GAA: variants seen among roughly 807,000 people sequenced by gnomAD.
The protein encoded by GAA is alpha glucosidase.
In GAA, 88 loss-of-function variants were observed where a neutral mutation model predicts 103.9. The ratio of observed to expected loss-of-function variants is 0.85; its 90% CI spans 0.71 to 1.01. GAA has a LOEUF of 1.01. Among genes scored for constraint, GAA ranks in the 50% least tolerant of loss-of-function variants. The pLI is 0.00. For missense variants in GAA, 1,350 were observed against 1,305.3 expected (o/e 1.03, Z -0.53); for synonymous variants, 572 against 563.1 (o/e 1.02, Z -0.22).
intron 2 of GAA, among the ~76,000 whole-genome samples, chr17:80,105,433 GAT>G (rs2039059849): frequency 6.6e-6 from 1 of 152,252 alleles, no homozygotes; most frequent in African/African-American, 2.4e-5. Flanking sequence ...CCGAATTGCA[GAT>G]ACCCCAGGCA....
At chr17:80,103,511 G>A (rs577504791) in intron 1 of GAA, among the ~76,000 whole-genome samples, 47 of 152,258 alleles carry the variant, frequency 3.1e-4, no homozygotes, top group Middle Eastern at 3.4e-3. Flanking sequence ...TGTGGGTTCC[G>A]GCTGCTCCTG....
chr17:80,118,070 G>T (rs1223768025), intron 17 of GAA, 123 bp from the exon 18 acceptor site: 2 of 1,149,754 alleles, frequency 1.7e-6, no homozygotes, highest in African/African-American at 1.5e-5. Flanking sequence ...GCGGCCGCAG[G>T]TGTTCCTGCA....
In GAA at chr17:80,108,781, A is replaced by G. The variant is rs1265260886; in HGVS notation, c.1279A>G (p.Met427Val). ...GGATGGCTTCCGGGACTTCCCGGCC[A>G]TGGTGCAGGAGCTGCACCAGGGCGG... ...NKDGFRDFPA[M>V]VQELHQGGRR... The change falls in exon 8 of 20, where the codon ATG (methionine) becomes GTG (valine). Residue 427 changes from methionine to valine, a missense_variant. Physicochemically the swap from Met to Val is conservative, Grantham distance 21. Coordinates refer to ENST00000302262, the MANE Select transcript of GAA (RefSeq NM_000152.5). 3 of 1,608,518 alleles carry G rather than the reference A, an allele frequency of 1.9e-6. No homozygotes were observed. The highest frequency in any genetic ancestry group is 1.7e-5 in the Admixed American group (1 of 59,442).
At chr17:80,117,952 T>G (rs916904261) in intron 17 of GAA, among the ~76,000 whole-genome samples, 1 of 152,080 alleles carries the variant, frequency 6.6e-6, no homozygotes, top group African/African-American at 2.4e-5. Context: ...CGGCAGGAGC[T>G]CAGTGGTCTG....
At position 80,112,604 on chromosome 17, in the gene GAA, G is replaced by A. The variant is rs775450536; in HGVS notation, c.1781G>A (p.Arg594His). Residue 594 changes from arginine to histidine, a missense_variant, in exon 13 of 20, where the codon CGC becomes CAC. Physicochemically the swap from Arg to His is conservative, Grantham distance 29. Transcript: ENST00000302262. ...HRALVKARGT[R>H]PFVISRSTFA... is the part of the protein sequence containing the mutation. ...GCGCTGGTGAAGGCTCGGGGGACAC[G>A]CCCATTTGTGATCTCCCGCTCGACC... 6.8e-6 allele frequency: 11 copies of A among 1,612,944 alleles called. No individual in the cohort carries two copies. Among genetic ancestry groups the A allele is most frequent in the South Asian group, 2.2e-5 (2 of 91,072 alleles).
chr17:80,112,774 G>C, intron 13 of GAA, 63 bp downstream of exon 13: 1 of 1,577,836 alleles, frequency 6.3e-7, no homozygotes, highest in Admixed American at 1.8e-5. Context: ...TGGGAGGCTT[G>C]CCGGGGCCCC....
Position 80,117,673 on chromosome 17 carries a change from G to A in GAA, c.2405G>A (p.Gly802Glu), listed in dbSNP as rs2039386318. ...APREPAIHSEGQWVTLPAPLD... is the reference protein window; with the variant it reads ...APREPAIHSEEQWVTLPAPLD... ...CGTGAGCCAGCCATCCACAGCGAGG[G>A]GCAGTGGGTGACGCTGCCGGCCCCC... Residue 802 changes from glycine to glutamate, a missense_variant, in exon 17 of 20, where the codon GGG becomes GAG. Gly to Glu is a moderately conservative substitution (Grantham distance 98, BLOSUM62 -2). Coordinates refer to ENST00000302262, the MANE Select transcript of GAA (RefSeq NM_000152.5). 1.2e-6 allele frequency: 2 copies of A among 1,612,562 alleles called. No individual in the cohort carries two copies. The highest frequency in any genetic ancestry group is 2.7e-5 in the African/African-American group (2 of 74,912).
chr17:80,114,704 A>G (rs1468569130), intron 15 of GAA, among the ~76,000 whole-genome samples: 1 of 152,134 alleles, frequency 6.6e-6, no homozygotes, highest in Admixed American at 6.5e-5. Context: ...TGCCTTTTAT[A>G]TTTACTGATG....
rs77717164 is a variant in GAA at position 80,108,063 on chromosome 17, C to T, written c.955+167C>T. 4.8e-3 allele frequency among the ~76,000 whole-genome samples: 733 copies of T among 152,316 alleles called. 14 individuals carry two copies. In the East Asian group the frequency reaches 0.064, roughly 13 times the overall value. ...CTCCCAACTCTGGCCTTCTGTGCTC[C>T]TAAGGAGGGTTCTGGGGCCCTGCCT... On this transcript the variant is annotated intron_variant, in intron 5 of 19. Transcript: ENST00000302262.
At chr17:80,110,679 G>C (rs1434049724) in intron 9 of GAA, 48 bp from the exon 10 acceptor site, 1 of 1,531,746 alleles carries the variant, frequency 6.5e-7, no homozygotes, top group Non-Finnish European at 9.0e-7. Context: ...CTTCCATGCA[G>C]GCCCTGGGTG....
rs2039116166 is a variant in GAA at position 80,107,578 on chromosome 17, C to A, written c.714C>A (p.Pro238=). Residue 238 remains proline (P), a synonymous_variant, in exon 4 of 20, where the codon CCC becomes CCA. Transcript: ENST00000302262. Reference sequence around the variant, plus strand: ...GCAGGCTGAACACGACGGTGGCGCCCCTGTTCTTTGCGGACCAGTTCCTTC... The same window carrying A: ...GCAGGCTGAACACGACGGTGGCGCCACTGTTCTTTGCGGACCAGTTCCTTC... ...GRVLLNTTVA[P]LFFADQFLQL... 3 of 1,613,046 alleles carry A rather than the reference C, an allele frequency of 1.9e-6. No individual in the cohort carries two copies. Among genetic ancestry groups the A allele is most frequent in the Admixed American group, 1.7e-5 (1 of 60,000 alleles).
Position 80,118,490 on chromosome 17 carries a change from T to G in GAA, c.2646+133T>G, listed in dbSNP as rs912782458. 4.2e-6 allele frequency: 6 copies of G among 1,416,650 alleles called. No individual in the cohort carries two copies. In the African/African-American group the frequency reaches 8.4e-5, roughly 20 times the overall value. 87.8% of individuals were successfully genotyped at this position (1,416,650 alleles called of 1,614,324 possible). The stretch of plus-strand genomic sequence containing the variant: ...CACTCTAGCAGGTGGCCTGGGGTCC[T>G]AGAGTGAGCAGTGGGGCCGTGCACT... On this transcript the variant is annotated intron_variant, in intron 18 of 19. Transcript: ENST00000302262.
At chr17:80,105,309 G>C (rs1362747713) in intron 2 of GAA, among the ~76,000 whole-genome samples, 177 bp downstream of exon 2, 1 of 152,188 alleles carries the variant, frequency 6.6e-6, no homozygotes, top group African/African-American at 2.4e-5. Context: ...GGGACACCAC[G>C]GTGACAGGTA....
At chr17:80,105,154 GC>G (rs778204459) in intron 2 of GAA, 22 bp downstream of exon 2, 2 of 1,592,484 alleles carry the variant, frequency 1.3e-6, no homozygotes, top group African/African-American at 2.7e-5. Flanking sequence ...AGGGGCGGGG[GC>G]GGCGGCCAGG....
chr17:80,117,276 T>C (rs1361462593), intron 16 of GAA, among the ~76,000 whole-genome samples, 167 bp downstream of exon 16: 3 of 152,104 alleles, frequency 2.0e-5, no homozygotes, highest in Non-Finnish European at 4.4e-5. Flanking sequence ...CATCAGCCTC[T>C]CCGCTCCTCA....
chr17:80,104,417 A>G lies in GAA; in HGVS notation c.-32-138A>G. The G allele has an allele frequency of 1.6e-6, 1 of 633,214 alleles. No individual in the cohort carries two copies. Among genetic ancestry groups the G allele is most frequent in the South Asian group, 2.0e-5 (1 of 51,270 alleles). The allele number at this position is 633,214 out of a possible 1,614,324, so 39.2% of individuals were successfully genotyped here. A position where few individuals can be genotyped will look rare whatever the true frequency, so the allele number is the denominator to read the frequency against. On this transcript the variant is annotated intron_variant, in intron 1 of 19. Transcript: ENST00000302262. The surrounding 1 kb of genome is among the most constrained non-coding windows in gnomAD (Gnocchi z 4.0). ...TCTCCCCAGTCTAGACAGCAGGGCA[A>G]CACCCACCCTGGCCACCTTACCCCA...
chr17:80,117,789 A>C (rs2039390984), intron 17 of GAA, 40 bp downstream of exon 17: 1 of 1,580,198 alleles, frequency 6.3e-7, no homozygotes, highest in East Asian at 2.3e-5. Flanking sequence ...TGTGGACAGC[A>C]CACTGCAGAG....
At chr17:80,109,831 T>C (rs970801080) in intron 8 of GAA, 114 bp from the exon 9 acceptor site, 2 of 748,888 alleles carry the variant, frequency 2.7e-6, no homozygotes, top group Non-Finnish European at 4.7e-6. Flanking sequence ...GCAGGCATGC[T>C]GTACACACGC....
intron 12 of GAA, 156 bp downstream of exon 12, chr17:80,112,256 C>A (rs2039254781): frequency 4.0e-6 from 3 of 750,208 alleles, no homozygotes; most frequent in Non-Finnish European, 6.8e-6. Flanking sequence ...CTGCCTGCAC[C>A]CCAGCCTGAA....
Sources: allele counts gnomAD v4.1 joint callset (sites outside exome capture counted in the v4.1 genomes callset), GRCh38; gene constraint gnomAD v4.1.1; non-coding constraint Gnocchi (gnomAD v3.1); transcripts MANE v1.5; gene names NCBI Gene and HGNC (gene_info 2026-07-23, HGNC 2026-07-21).